Variants in TXNDC16 observed in about 807,000 individuals in gnomAD.
The protein encoded by TXNDC16 is thioredoxin domain-containing protein 16.
TXNDC16 carries 74 observed loss-of-function variants against 85.6 expected under a neutral mutation model. The observed-to-expected ratio is 0.86, with a 90% CI of 0.72 to 1.05. The LOEUF (loss-of-function observed/expected upper bound fraction) is 1.05. Among genes scored for constraint, TXNDC16 ranks in the 50% least tolerant of loss-of-function variants. TXNDC16 has a pLI of 0.00. For missense variants in TXNDC16, 959 were observed against 947.0 expected (o/e 1.01, Z -0.17); for synonymous variants, 335 against 326.5 (o/e 1.03, Z -0.28).
At chr14:52,530,273 T>TATATAATAATATATATTATA (rs2037483995) in intron 6 of TXNDC16, among the ~76,000 whole-genome samples, 1 of 62,292 alleles carries the variant, frequency 1.6e-5, no homozygotes, top group Non-Finnish European at 2.6e-5. Context: ...TATATATTAT[T>TATATAATAATATATATTATA]ATTTAATATA....
chr14:52,440,118 A>G (rs901390434), intron 19 of TXNDC16, among the ~76,000 whole-genome samples: 4 of 152,208 alleles, frequency 2.6e-5, no homozygotes, highest in Admixed American at 2.6e-4. Flanking sequence ...AAGGGGCAGT[A>G]TATTATTTGT....
chr14:52,482,167 T>C (rs1033739795), intron 14 of TXNDC16, 63 bp downstream of exon 14: 8 of 1,425,152 alleles, frequency 5.6e-6, no homozygotes, highest in African/African-American at 2.9e-5. Context: ...TTGCATGACA[T>C]AGTTTTACAA....
intron 16 of TXNDC16, chr14:52,462,955 T>C (rs1004550138): frequency 1.8e-5 from 8 of 455,886 alleles, no homozygotes; most frequent in African/African-American, 2.0e-5. Context: ...AACTTAGTCA[T>C]TGACTTTTTT....
rs1342328669 is a variant in TXNDC16, at chr14:52,496,437, TA to T, written c.757-5433del. Among the ~76,000 whole-genome samples, 542 of 143,750 alleles carry T rather than the reference TA, an allele frequency of 3.8e-3. 6 individuals are homozygous for T. The highest frequency in any genetic ancestry group is 0.014 in the African/African-American group (519 of 38,160). The allele number at this position is 143,750 out of a possible 152,430, so 94.3% of individuals were successfully genotyped here. Reference sequence around the variant, plus strand: ...ACTCGTCTTTTTTTTTTTTTTTTTTTAAAGCCTGTGATTGCAGCTGAGTAGA... The same window carrying T: ...ACTCGTCTTTTTTTTTTTTTTTTTTTAAGCCTGTGATTGCAGCTGAGTAGA... On this transcript the variant is annotated intron_variant, in intron 9 of 20. Transcript: ENST00000281741.
chr14:52,497,959 T>C (rs2036571382), intron 9 of TXNDC16, among the ~76,000 whole-genome samples: 1 of 150,940 alleles, frequency 6.6e-6, no homozygotes, highest in Non-Finnish European at 1.5e-5. Flanking sequence ...GCAAGAGGGA[T>C]TTATGCTTGC....
chr14:52,438,024 A>G (rs1206913847), intron 20 of TXNDC16, among the ~76,000 whole-genome samples: 3 of 152,154 alleles, frequency 2.0e-5, no homozygotes, highest in East Asian at 3.9e-4. Flanking sequence ...AGAGAACTAG[A>G]ATTAGAAGTG....
rs376194120 is a variant in TXNDC16 at position 52,440,595 on chromosome 14, A to T, written c.1972T>A (p.Leu658Met). 1 of 1,606,774 alleles carries T rather than the reference A, an allele frequency of 6.2e-7. No homozygotes were observed. The highest frequency in any genetic ancestry group is 8.5e-7 in the Non-Finnish European group (1 of 1,177,788). The part of the protein sequence containing the change: ...AILTLVKQKY[L>M]DSFTPCWLNL... Reference sequence around the variant, plus strand: ...AACCAGCATGGAGTAAATGAATCCAAGTATTTCTGCTTTACCAGTGTCAAT... The same window carrying T: ...AACCAGCATGGAGTAAATGAATCCATGTATTTCTGCTTTACCAGTGTCAAT... The change falls in exon 19 of 21, where the codon TTG becomes ATG. Residue 658 changes from leucine to methionine, a missense_variant. Coordinates refer to ENST00000281741, the MANE Select transcript of TXNDC16 (RefSeq NM_020784.3).
intron 6 of TXNDC16, among the ~76,000 whole-genome samples, chr14:52,532,286 A>C (rs1267767460): frequency 6.6e-6 from 1 of 152,104 alleles, no homozygotes; most frequent in African/African-American, 2.4e-5. Flanking sequence ...GGATCCCTTC[A>C]GGTTAGGAGT....
chr14:52,485,336 CT>C lies in TXNDC16; in HGVS notation c.1109-2372del, dbSNP rs1437995716. Among the ~76,000 whole-genome samples, 5 of 152,090 alleles carry C rather than the reference CT, an allele frequency of 3.3e-5. No homozygotes were observed. The South Asian group carries it at 1.0e-3, about 32-fold the overall frequency. ...TGTACAGCTGTATGATGTGTTTGTGCTTTAAGTTTAATGTTATCACAAAACA... is the reference window on the plus strand; with the variant it reads ...TGTACAGCTGTATGATGTGTTTGTGCTTAAGTTTAATGTTATCACAAAACA... On this transcript the variant is annotated intron_variant, in intron 12 of 20. Coordinates refer to ENST00000281741, the MANE Select transcript of TXNDC16 (RefSeq NM_020784.3).
At chr14:52,444,722 A>T (rs1442485097) in intron 18 of TXNDC16, among the ~76,000 whole-genome samples, 1 of 152,156 alleles carries the variant, frequency 6.6e-6, no homozygotes, top group Non-Finnish European at 1.5e-5. Flanking sequence ...ATACCAAGAT[A>T]AAAAGAGTAA....
chr14:52,521,978 A>G lies in TXNDC16; in HGVS notation c.393-2685T>C, dbSNP rs79859740. Among the ~76,000 whole-genome samples the G allele has an allele frequency of 4.9e-3, 741 of 152,336 alleles. 14 individuals are homozygous for G. The highest frequency in any genetic ancestry group is 0.039 in the Admixed American group (602 of 15,300). ...TGACCACTTATAAAAATGGGAAACC[A>G]GGTGGAAAGGTGGCAACTAAAGAAT... On this transcript the variant is annotated intron_variant, in intron 6 of 20. Coordinates refer to ENST00000281741, the MANE Select transcript of TXNDC16 (RefSeq NM_020784.3).
chr14:52,455,598 C>T (rs1406474514), intron 17 of TXNDC16, 136 bp from the exon 18 acceptor site: 1 of 890,450 alleles, frequency 1.1e-6, no homozygotes, highest in Non-Finnish European at 1.7e-6. Flanking sequence ...AACTCCATTT[C>T]CAGGCAAACT....
intron 7 of TXNDC16, 53 bp downstream of exon 7, chr14:52,519,119 A>G: frequency 6.5e-7 from 1 of 1,529,414 alleles, no homozygotes. Context: ...AAGTACTTCA[A>G]CATACATAAG....
intron 9 of TXNDC16, among the ~76,000 whole-genome samples, chr14:52,491,887 G>A (rs1050622609): frequency 6.6e-6 from 1 of 152,284 alleles, no homozygotes; most frequent in South Asian, 2.1e-4. Context: ...TGACTTAGGA[G>A]ATCCTACAAA....
intron 6 of TXNDC16, among the ~76,000 whole-genome samples, chr14:52,533,188 C>T (rs1418197330): frequency 1.3e-5 from 2 of 152,124 alleles, no homozygotes; most frequent in Non-Finnish European, 2.9e-5. Context: ...ATGGACTTTC[C>T]ACTTGCTAAA....
intron 6 of TXNDC16, among the ~76,000 whole-genome samples, chr14:52,530,025 TATA>T (rs1222683399): frequency 1.1e-5 from 1 of 88,466 alleles, no homozygotes; most frequent in Non-Finnish European, 2.0e-5. Flanking sequence ...TATTATATGT[TATA>T]ATTATTTTTA....
chr14:52,459,080 A>T (rs1179983189), intron 16 of TXNDC16, among the ~76,000 whole-genome samples: 3 of 152,232 alleles, frequency 2.0e-5, no homozygotes, highest in Non-Finnish European at 4.4e-5. Flanking sequence ...TTATCTGAAT[A>T]AAAATATGCA....
chr14:52,487,894 G>A (rs2036306276), intron 12 of TXNDC16, among the ~76,000 whole-genome samples: 1 of 152,108 alleles, frequency 6.6e-6, no homozygotes, highest in Non-Finnish European at 1.5e-5. Flanking sequence ...TTAAAAAACT[G>A]AAATAACTGT....
intron 9 of TXNDC16, among the ~76,000 whole-genome samples, chr14:52,491,869 A>G (rs2036416486): frequency 6.6e-6 from 1 of 152,238 alleles, no homozygotes; most frequent in South Asian, 2.1e-4. Flanking sequence ...AGAAGTCAGA[A>G]TAATAACTGA....
Sources: allele counts gnomAD v4.1 joint callset (sites outside exome capture counted in the v4.1 genomes callset), GRCh38; gene constraint gnomAD v4.1.1; transcripts MANE v1.5; gene names NCBI Gene and HGNC (gene_info 2026-07-23, HGNC 2026-07-21).